The following TBC1D4 variants were observed in gnomAD, a reference collection of about 807,000 sequenced individuals.
The protein encoded by TBC1D4 is TBC (Tre-2, BUB2, CDC16) domain-containing protein.
A neutral mutation model predicts 142.5 loss-of-function variants in TBC1D4; 121 were observed. The observed-to-expected ratio is 0.85, with a 90% CI of 0.73 to 0.99. The LOEUF is 0.99. TBC1D4 is among the 50% of genes least tolerant of loss of function. The probability of loss-of-function intolerance (pLI) is 0.00; values close to 1 mark genes in which losing one functional copy is unlikely to be tolerated. For synonymous variants in TBC1D4, 630 were observed against 628.2 expected (o/e 1.00, Z -0.04); for missense variants, 1,475 against 1,606.6 (o/e 0.92, Z 1.40).
At chr13:75,470,231 A>G (rs1888343313) in intron 1 of TBC1D4, among the ~76,000 whole-genome samples, 1 of 152,306 alleles carries the variant, frequency 6.6e-6, no homozygotes, top group African/African-American at 2.4e-5. Flanking sequence ...CTCTGTCACA[A>G]ATGCTCAGCA....
chr13:75,297,808 G>A (rs1227279133), intron 17 of TBC1D4, among the ~76,000 whole-genome samples: 2 of 150,682 alleles, frequency 1.3e-5, no homozygotes, highest in African/African-American at 4.9e-5. Flanking sequence ...AAACTCTTTA[G>A]GAATAAAAAA....
At chr13:75,425,285 C>T (rs752971368) in intron 1 of TBC1D4, among the ~76,000 whole-genome samples, 7 of 152,066 alleles carry the variant, frequency 4.6e-5, no homozygotes, top group African/African-American at 1.2e-4. Context: ...AAAACCACAA[C>T]GCCTCACACC....
chr13:75,378,266 T>C (rs1313488955), intron 1 of TBC1D4, among the ~76,000 whole-genome samples: 1 of 152,166 alleles, frequency 6.6e-6, no homozygotes, highest in Non-Finnish European at 1.5e-5. Flanking sequence ...TATTAATAGC[T>C]AGAAACTTTT....
chr13:75,447,101 G>A (rs1380709792), intron 1 of TBC1D4, among the ~76,000 whole-genome samples: 6 of 152,178 alleles, frequency 3.9e-5, no homozygotes, highest in East Asian at 3.8e-4. Flanking sequence ...ACTGTTGCAC[G>A]TGGTTACAGG....
intron 1 of TBC1D4, among the ~76,000 whole-genome samples, chr13:75,478,595 C>G (rs1888711006): frequency 6.6e-6 from 1 of 152,158 alleles, no homozygotes; most frequent in Non-Finnish European, 1.5e-5. Context: ...AAGCAAACAG[C>G]AGGTCTTCCT....
At chr13:75,421,103 A>G (rs1230957447) in intron 1 of TBC1D4, among the ~76,000 whole-genome samples, 6 of 152,180 alleles carry the variant, frequency 3.9e-5, no homozygotes, top group Admixed American at 1.3e-4. Context: ...TAAAATCTAC[A>G]TTTGCTTTCC....
At chr13:75,426,717 C>T (rs567234736) in intron 1 of TBC1D4, among the ~76,000 whole-genome samples, 8 of 152,088 alleles carry the variant, frequency 5.3e-5, no homozygotes, top group African/African-American at 1.7e-4. Flanking sequence ...AAAAGCATCC[C>T]CAAAACAAAA....
intron 13 of TBC1D4, among the ~76,000 whole-genome samples, chr13:75,312,103 T>G (rs1014627114): frequency 6.6e-6 from 1 of 152,184 alleles, no homozygotes. Flanking sequence ...TGTTTACTGT[T>G]ACATGTGCTT....
Position 75,337,011 on chromosome 13 carries a change from A to AT in TBC1D4, c.1640dup (p.Asn547LysfsTer11). 2 of 1,613,328 alleles carry AT rather than the reference A, an allele frequency of 1.2e-6. No homozygotes were observed. The highest frequency in any genetic ancestry group is 1.7e-6 in the Non-Finnish European group (2 of 1,179,570). ...GTTTGAACCTTCCACTGCTTGTTGC[A>AT]TTTTCTGGGATTGTACTATTTGAAA... On this transcript the variant is annotated frameshift_variant, in exon 8 of 21. Transcript: ENST00000377636. LOFTEE classifies it high-confidence loss of function.
At chr13:75,426,876 GA>G (rs1287417288) in intron 1 of TBC1D4, among the ~76,000 whole-genome samples, 1 of 65,324 alleles carries the variant, frequency 1.5e-5, no homozygotes, top group East Asian at 5.5e-4. Flanking sequence ...ACCCTGTCTG[GA>G]AAAAATACAA....
chr13:75,475,451 C>G lies in TBC1D4; in HGVS notation c.498+5819G>C, dbSNP rs1474447477. Among the ~76,000 whole-genome samples the G allele has an allele frequency of 3.3e-5, 5 of 152,184 alleles. No individual in the cohort carries two copies. The South Asian group carries it at 1.0e-3, about 32-fold the overall frequency. Reference sequence around the variant, plus strand: ...TACCAGCCAGATATTTTTAAACAAACAGAAGCCTTGAGGTTTTTTTAAGTA... The same window carrying G: ...TACCAGCCAGATATTTTTAAACAAAGAGAAGCCTTGAGGTTTTTTTAAGTA... On this transcript the variant is annotated intron_variant, in intron 1 of 20. Transcript: ENST00000377636.
intron 5 of TBC1D4, among the ~76,000 whole-genome samples, chr13:75,344,030 G>A (rs953966384): frequency 2.6e-5 from 4 of 151,374 alleles, no homozygotes; most frequent in Non-Finnish European, 4.4e-5. Flanking sequence ...TAGTAGAGAC[G>A]GAGTTTCACC....
intron 1 of TBC1D4, among the ~76,000 whole-genome samples, chr13:75,461,733 T>C (rs997763709): frequency 4.6e-5 from 7 of 152,216 alleles, no homozygotes; most frequent in Non-Finnish European, 1.0e-4. Flanking sequence ...AGACATTTTG[T>C]TAAAGAATGA....
chr13:75,317,607 C>G (rs187313307), intron 12 of TBC1D4, among the ~76,000 whole-genome samples: 2 of 152,048 alleles, frequency 1.3e-5, no homozygotes, highest in African/African-American at 4.8e-5. Flanking sequence ...AGAATTTTTT[C>G]CTTCTTCTTT....
intron 1 of TBC1D4, among the ~76,000 whole-genome samples, chr13:75,393,791 C>T (rs968311313): frequency 6.6e-6 from 1 of 151,948 alleles, no homozygotes; most frequent in Non-Finnish European, 1.5e-5. Flanking sequence ...ATTATCCAGG[C>T]GTGGTGGCAC....
At position 75,294,941 on chromosome 13, in the gene TBC1D4, C is replaced by T; in HGVS notation, c.3229G>A (p.Glu1077Lys). Residue 1077 changes from glutamate to lysine, a missense_variant, in exon 18 of 21, where the codon GAA becomes AAA. Physicochemically the swap from Glu to Lys is moderately conservative, Grantham distance 56 (BLOSUM62 1). This residue lies in a region of TBC1D4 where 248 missense variants were observed against 338.9 expected (regional missense o/e 0.73). Transcript: ENST00000377636. ...GCAGCATAAAGACTGGGGCTGATTT[C>T]ATTTTCTTCAAGGTGATTGTAGAGA... The part of the protein sequence containing the change: ...RDLYNHLEEN[E>K]ISPSLYAAPW... 1.2e-6 allele frequency: 2 copies of T among 1,613,924 alleles called. No homozygotes were observed. Among genetic ancestry groups the T allele is most frequent in the Non-Finnish European group, 1.7e-6 (2 of 1,179,880 alleles).
intron 1 of TBC1D4, among the ~76,000 whole-genome samples, chr13:75,438,316 T>C (rs1886884103): frequency 6.6e-6 from 1 of 152,246 alleles, no homozygotes; most frequent in African/African-American, 2.4e-5. Flanking sequence ...AATGCTTATG[T>C]TCAATTTTCT....
intron 1 of TBC1D4, among the ~76,000 whole-genome samples, chr13:75,400,897 T>C (rs950568926): frequency 2.0e-5 from 3 of 151,994 alleles, no homozygotes; most frequent in African/African-American, 7.2e-5. Context: ...CCATCACCCA[T>C]CAGCAATGAG....
chr13:75,468,935 G>C (rs1409088438), intron 1 of TBC1D4, among the ~76,000 whole-genome samples: 1 of 152,126 alleles, frequency 6.6e-6, no homozygotes, highest in Non-Finnish European at 1.5e-5. Context: ...GTGCTCCCCG[G>C]AAGTGTAAAA....
Sources: gnomAD v4.1 joint callset for allele counts (sites outside exome capture counted in the v4.1 genomes callset) on GRCh38, gnomAD v4.1.1 for gene constraint, gnomAD v4.1.1 regional missense constraint, MANE v1.5 for transcripts, NCBI Gene and HGNC (gene_info 2026-07-23, HGNC 2026-07-21) for gene names.